The following HTR1F variants were observed in gnomAD, a reference collection of about 807,000 sequenced individuals.
HTR1F encodes the protein 5-hydroxytryptamine (serotonin) receptor 1F, G protein-coupled.
A neutral mutation model predicts 24.0 loss-of-function variants in HTR1F; 17 were observed. That is an observed-to-expected ratio of 0.71 (90% CI 0.48 to 1.06). The LOEUF (loss-of-function observed/expected upper bound fraction) is 1.06, where lower values mean the gene tolerates loss of function less well. Ranked by LOEUF, HTR1F falls within the 50% of genes least tolerant of loss-of-function variation. The probability of loss-of-function intolerance (pLI) is 0.00; values close to 1 mark genes in which losing one functional copy is unlikely to be tolerated. For synonymous variants in HTR1F, 186 were observed against 156.8 expected (o/e 1.19, Z -1.39); for missense variants, 391 against 427.8 (o/e 0.91, Z 0.76).
chr3:87,873,129 C>G (rs200238882), intron 2 of HTR1F, among the ~76,000 whole-genome samples: 5,193 of 111,888 alleles, frequency 0.046, 315 homozygotes, highest in African/African-American at 0.15. Flanking sequence ...CACACACACA[C>G]ACACAGAGAG....
intron 1 of HTR1F, among the ~76,000 whole-genome samples, chr3:87,809,167 C>T (rs1041265844): frequency 1.3e-5 from 2 of 151,568 alleles, no homozygotes; most frequent in African/African-American, 2.4e-5. Context: ...TATATCATCA[C>T]ATAAAAGATG....
chr3:87,817,615 C>A (rs1327407449), intron 1 of HTR1F, among the ~76,000 whole-genome samples: 1 of 152,126 alleles, frequency 6.6e-6, no homozygotes, highest in Non-Finnish European at 1.5e-5. Context: ...TATGAACTAA[C>A]CAACACTTTT....
intron 2 of HTR1F, among the ~76,000 whole-genome samples, chr3:87,835,641 T>G (rs1298495116): frequency 1.3e-5 from 2 of 152,362 alleles, no homozygotes; most frequent in East Asian, 3.9e-4. Context: ...TTCCTTCTGG[T>G]ATTAAATCAA....
chr3:87,854,090 G>T (rs1376921399), intron 2 of HTR1F, among the ~76,000 whole-genome samples: 1 of 151,690 alleles, frequency 6.6e-6, no homozygotes, highest in Non-Finnish European at 1.5e-5. Context: ...TATAGTAATT[G>T]TTCACTTTGT....
chr3:87,925,654 C>A (rs562394457), intron 2 of HTR1F, among the ~76,000 whole-genome samples: 1 of 152,118 alleles, frequency 6.6e-6, no homozygotes, highest in South Asian at 2.1e-4. Flanking sequence ...TAAGCAGGAC[C>A]CTGCATGGGT....
intron 2 of HTR1F, among the ~76,000 whole-genome samples, chr3:87,845,724 A>T (rs1451256732): frequency 6.6e-6 from 1 of 152,002 alleles, no homozygotes. Context: ...TTCAAATACA[A>T]GACATGGCAC....
intron 2 of HTR1F, among the ~76,000 whole-genome samples, chr3:87,917,528 G>C (rs767931875): frequency 5.9e-5 from 9 of 151,848 alleles, no homozygotes; most frequent in African/African-American, 1.2e-4. Flanking sequence ...TGAAACAGGA[G>C]ATATTACAAC....
chr3:87,820,174 CA>C (rs2107121608), intron 1 of HTR1F, among the ~76,000 whole-genome samples: 2 of 145,882 alleles, frequency 1.4e-5, no homozygotes, highest in Admixed American at 6.9e-5. Context: ...AATCATGACC[CA>C]TTTTTTTTTT....
chr3:87,947,706 G>T (rs566673587), intron 2 of HTR1F, among the ~76,000 whole-genome samples: 23 of 152,070 alleles, frequency 1.5e-4, no homozygotes, highest in Non-Finnish European at 3.1e-4. Flanking sequence ...GAGGATTTTG[G>T]GGTGAAGATT....
At chr3:87,810,392 C>T (rs1484825864) in intron 1 of HTR1F, among the ~76,000 whole-genome samples, 1 of 152,080 alleles carries the variant, frequency 6.6e-6, no homozygotes, top group Non-Finnish European at 1.5e-5. Flanking sequence ...TTGGCCAAAT[C>T]ACACATTTCT....
intron 2 of HTR1F, among the ~76,000 whole-genome samples, chr3:87,882,470 A>C (rs1420790599): frequency 6.6e-6 from 1 of 152,092 alleles, no homozygotes; most frequent in Non-Finnish European, 1.5e-5. Context: ...ATGTCCAACA[A>C]TGATAGACTG....
intron 2 of HTR1F, among the ~76,000 whole-genome samples, chr3:87,976,628 T>G (rs1476011988): frequency 6.6e-6 from 1 of 152,256 alleles, no homozygotes; most frequent in East Asian, 1.9e-4. Context: ...TTTAACATAT[T>G]TTTATTCATG....
At chr3:87,966,070 A>G (rs2919274) in intron 2 of HTR1F, among the ~76,000 whole-genome samples, 56,925 of 152,034 alleles carry the variant, frequency 0.37, 12,088 homozygotes, top group African/African-American at 0.59. Flanking sequence ...TAAACAACAG[A>G]AATCTATTTC....
chr3:87,982,591 C>A (rs1262645509), intron 2 of HTR1F, among the ~76,000 whole-genome samples: 25 of 152,206 alleles, frequency 1.6e-4, no homozygotes, highest in Admixed American at 1.0e-3. Flanking sequence ...CAGACAGGAT[C>A]TCTTCAAGAG....
chr3:87,843,732 G>T (rs1447435357), intron 2 of HTR1F, among the ~76,000 whole-genome samples: 1 of 136,258 alleles, frequency 7.3e-6, no homozygotes, highest in Admixed American at 8.3e-5. Flanking sequence ...CTGTGTCCAT[G>T]TGATCTCATT....
intron 2 of HTR1F, among the ~76,000 whole-genome samples, chr3:87,849,033 C>A (rs1326481965): frequency 2.0e-5 from 3 of 151,378 alleles, no homozygotes; most frequent in Admixed American, 1.3e-4. Flanking sequence ...CCATACTGCC[C>A]AAGGTAATTT....
At chr3:87,812,191 C>A (rs1452781205) in intron 1 of HTR1F, among the ~76,000 whole-genome samples, 3 of 152,080 alleles carry the variant, frequency 2.0e-5, no homozygotes, top group African/African-American at 7.2e-5. Context: ...ATGGAAGCAA[C>A]TTTGGAACTG....
intron 2 of HTR1F, among the ~76,000 whole-genome samples, chr3:87,866,416 T>C (rs1705427659): frequency 6.6e-6 from 1 of 152,196 alleles, no homozygotes; most frequent in Non-Finnish European, 1.5e-5. Context: ...AGCAAAGTTA[T>C]AAATCCTTTG....
At chr3:87,958,732 C>T (rs1236625393) in intron 2 of HTR1F, among the ~76,000 whole-genome samples, 1 of 151,576 alleles carries the variant, frequency 6.6e-6, no homozygotes, top group African/African-American at 2.4e-5. Context: ...TGTCTCTTCC[C>T]TTGGTTTCTG....
Sources: gnomAD v4.1 joint callset for allele counts (sites outside exome capture counted in the v4.1 genomes callset) on GRCh38, gnomAD v4.1.1 for gene constraint, MANE v1.5 for transcripts, NCBI Gene and HGNC (gene_info 2026-07-23, HGNC 2026-07-21) for gene names.